The following PRKG2 variants were observed in gnomAD, a reference collection of about 807,000 sequenced individuals.
PRKG2 encodes the protein cGMP-dependent protein kinase 2.
A neutral mutation model predicts 97.2 loss-of-function variants in PRKG2; 33 were observed. That is an observed-to-expected ratio of 0.34 (90% CI 0.26 to 0.45). The LOEUF is 0.45. PRKG2 is among the 20% of genes least tolerant of loss of function. PRKG2 has a pLI of 1.00. For synonymous variants in PRKG2, 330 were observed against 321.8 expected, an observed-to-expected ratio of 1.03 and a Z score of -0.27; for missense variants, 638 against 900.0, an observed-to-expected ratio of 0.71 and a Z score of 3.73.
Position 81,171,752 on chromosome 4 carries a change from C to T in PRKG2, c.681G>A (p.Met227Ile). The T allele has an allele frequency of 6.2e-7, 1 of 1,611,770 alleles. No homozygotes were observed. The highest frequency in any genetic ancestry group is 8.5e-7 in the Non-Finnish European group (1 of 1,178,888). The change falls in exon 4 of 19, where the codon ATG (methionine) becomes ATA (isoleucine). Residue 227 changes from methionine (M) to isoleucine (I), a missense_variant. Coordinates refer to ENST00000264399, the MANE Select transcript of PRKG2 (RefSeq NM_006259.3). Reference sequence around the variant, plus strand: ...TGGCAAGCTCCCCAAATGTGGTCCACATAGGGATGGAGGACAGCAATTTCT... The same window carrying T: ...TGGCAAGCTCCCCAAATGTGGTCCATATAGGGATGGAGGACAGCAATTTCT... ...QGEKLLSSIPMWTTFGELAIL... is the reference protein window; with the variant it reads ...QGEKLLSSIPIWTTFGELAIL...
At chr4:81,194,516 T>G (rs769370424) in intron 2 of PRKG2, among the ~76,000 whole-genome samples, 50 of 152,192 alleles carry the variant, frequency 3.3e-4, no homozygotes, top group Non-Finnish European at 6.2e-4. Flanking sequence ...TTCTCTCAAT[T>G]CTTTTACTTA....
chr4:81,124,889 G>T (rs920348935), intron 14 of PRKG2, among the ~76,000 whole-genome samples: 4 of 152,224 alleles, frequency 2.6e-5, no homozygotes, highest in African/African-American at 9.6e-5. Context: ...GTTTAGAATT[G>T]TGGGGGTCCC....
At chr4:81,142,743 A>G (rs1747418157) in intron 11 of PRKG2, 51 bp downstream of exon 11, 1 of 1,481,858 alleles carries the variant, frequency 6.7e-7, no homozygotes, top group African/African-American at 1.4e-5. Flanking sequence ...ATATAAAACA[A>G]AAAAAAAGTC....
chr4:81,118,459 T>A (rs1578369982), intron 14 of PRKG2, among the ~76,000 whole-genome samples: 1 of 152,200 alleles, frequency 6.6e-6, no homozygotes, highest in African/African-American at 2.4e-5. Context: ...CTATCAGCGT[T>A]TGGTGTTGCC....
Position 81,104,927 on chromosome 4 carries a change from T to C in PRKG2, c.2064-495A>G, listed in dbSNP as rs542629889. ...AAAAATCCAGAAGTCTCCTATTCTC[T>C]GATAAATTATTTTTAATGGTAAGTA... On this transcript the variant is annotated intron_variant, in intron 16 of 18. Coordinates refer to ENST00000264399, the MANE Select transcript of PRKG2 (RefSeq NM_006259.3). 3.5e-4 allele frequency among the ~76,000 whole-genome samples: 54 copies of C among 152,270 alleles called. 1 individual carries two copies. Among genetic ancestry groups the C allele is most frequent in the African/African-American group, 1.2e-3 (48 of 41,544 alleles).
intron 15 of PRKG2, among the ~76,000 whole-genome samples, chr4:81,106,596 A>G (rs1433193880): frequency 6.6e-6 from 1 of 152,206 alleles, no homozygotes; most frequent in Non-Finnish European, 1.5e-5. Context: ...AGGGGCAAGG[A>G]GCCCCAGTAA....
At chr4:81,189,483 T>A (rs1448821061) in intron 2 of PRKG2, among the ~76,000 whole-genome samples, 1 of 143,756 alleles carries the variant, frequency 7.0e-6, no homozygotes, top group African/African-American at 2.9e-5. Flanking sequence ...AAACTGGAAA[T>A]CATCATTCTC....
Position 81,088,060 on chromosome 4 carries a change from A to G in PRKG2, c.*1648T>C, listed in dbSNP as rs1456254822. 2.6e-5 allele frequency: 4 copies of G among 152,188 alleles called. No individual in the cohort carries two copies. Among genetic ancestry groups the G allele is most frequent in the African/African-American group, 9.6e-5 (4 of 41,474 alleles). 9.4% of individuals were successfully genotyped at this position (152,188 alleles called of 1,614,324 possible). A position where few individuals can be genotyped will look rare whatever the true frequency, so the allele number is the denominator to read the frequency against. On this transcript the variant is annotated 3_prime_UTR_variant, in exon 19 of 19. Transcript: ENST00000264399. ...CAAATAAAAATCTTTAAAAACTCTT[A>G]GAAATTCTTTAAGCAGGTTATGTCA...
intron 2 of PRKG2, among the ~76,000 whole-genome samples, chr4:81,202,731 A>ATTTT (rs11393734): frequency 6.7e-6 from 1 of 150,256 alleles, no homozygotes; most frequent in East Asian, 1.9e-4. Flanking sequence ...ATAACTACTG[A>ATTTT]TTTTTTTTTT....
chr4:81,192,117 A>T (rs1354365190), intron 2 of PRKG2: 1 of 152,232 alleles, frequency 6.6e-6, no homozygotes, highest in South Asian at 2.1e-4. Context: ...AGGAAATACT[A>T]TATAGCAATG....
intron 15 of PRKG2, 116 bp from the exon 16 acceptor site, chr4:81,106,051 T>C: frequency 8.1e-7 from 1 of 1,232,772 alleles, no homozygotes; most frequent in Non-Finnish European, 1.1e-6. Context: ...TCTTCCTCTC[T>C]CTGTCTCAGT....
chr4:81,204,918 T>C lies in PRKG2; in HGVS notation c.130A>G (p.Ile44Val). 1 of 1,614,188 alleles carries C rather than the reference T, an allele frequency of 6.2e-7. No individual in the cohort carries two copies. Among genetic ancestry groups the C allele is most frequent in the Non-Finnish European group, 8.5e-7 (1 of 1,180,042 alleles). ...ERELRRKDAE[I>V]QEREYHLKEL... ...TTCAAATGGTACTCCCGCTCCTGGA[T>C]CTCAGCATCCTTCCTCCTCAACTCT... is the stretch of plus-strand genomic sequence containing the variant. Residue 44 changes from isoleucine to valine, a missense_variant, in exon 2 of 19, where the codon ATC becomes GTC. Ile to Val is a conservative substitution (Grantham distance 29). Coordinates refer to ENST00000264399, the MANE Select transcript of PRKG2 (RefSeq NM_006259.3).
intron 16 of PRKG2, among the ~76,000 whole-genome samples, chr4:81,104,770 T>G (rs577597235): frequency 6.6e-6 from 1 of 152,268 alleles, no homozygotes; most frequent in South Asian, 2.1e-4. Flanking sequence ...GAGAATCATT[T>G]ACATCTAAGC....
intron 6 of PRKG2, among the ~76,000 whole-genome samples, chr4:81,155,441 A>G (rs1016306015): frequency 6.6e-5 from 10 of 152,182 alleles, no homozygotes; most frequent in Non-Finnish European, 1.3e-4. Context: ...AAAAGACCAA[A>G]TCTACGTCTG....
intron 17 of PRKG2, among the ~76,000 whole-genome samples, chr4:81,099,702 G>C (rs1343632807): frequency 2.6e-5 from 4 of 152,088 alleles, no homozygotes; most frequent in Admixed American, 1.3e-4. Context: ...AGTGTTGGAA[G>C]TTCTGGCCAG....
intron 6 of PRKG2, among the ~76,000 whole-genome samples, chr4:81,157,831 C>G (rs1749239725): frequency 6.7e-6 from 1 of 150,208 alleles, no homozygotes; most frequent in Non-Finnish European, 1.5e-5. Flanking sequence ...ACAAAAACCA[C>G]ATGATTATCT....
intron 12 of PRKG2, 24 bp from the exon 13 acceptor site, chr4:81,137,506 G>C: frequency 6.4e-7 from 1 of 1,556,798 alleles, no homozygotes; most frequent in Non-Finnish European, 8.8e-7. Context: ...TAAAAACATG[G>C]TTATTATTGG....
At chr4:81,127,816 C>T (rs565754171) in intron 14 of PRKG2, among the ~76,000 whole-genome samples, 1 of 152,136 alleles carries the variant, frequency 6.6e-6, no homozygotes, top group Non-Finnish European at 1.5e-5. Context: ...TTTGAATATG[C>T]TTTATTTCTT....
At chr4:81,173,024 G>C (rs1313145937) in intron 3 of PRKG2, among the ~76,000 whole-genome samples, 2 of 152,092 alleles carry the variant, frequency 1.3e-5, no homozygotes, top group Non-Finnish European at 2.9e-5. Context: ...GTAGTGTCCA[G>C]TTGATATCAT....
Sources: allele counts gnomAD v4.1 joint callset (sites outside exome capture counted in the v4.1 genomes callset), GRCh38; gene constraint gnomAD v4.1.1; transcripts MANE v1.5; gene names NCBI Gene and HGNC (gene_info 2026-07-23, HGNC 2026-07-21).